DOK6: variants seen among roughly 807,000 people sequenced by gnomAD.
DOK6 encodes the protein docking protein 6, also known as downstream of tyrosine kinase 6.
A neutral mutation model predicts 44.0 loss-of-function variants in DOK6; 22 were observed. The ratio of observed to expected loss-of-function variants is 0.50; its 90% CI spans 0.36 to 0.71. The LOEUF is 0.71. DOK6 is among the 30% of genes least tolerant of loss of function. The pLI is 0.00. For missense variants in DOK6, 340 were observed against 416.4 expected, an observed-to-expected ratio of 0.82 and a Z score of 1.60; for synonymous variants, 166 against 145.5, an observed-to-expected ratio of 1.14 and a Z score of -1.01.
chr18:69,558,896 A>G lies in DOK6; in HGVS notation c.67-5591A>G, dbSNP rs182658309. Among the ~76,000 whole-genome samples the G allele has an allele frequency of 3.5e-3, 538 of 152,290 alleles. 6 individuals carry two copies. Among genetic ancestry groups the G allele is most frequent in the South Asian group, 0.014 (70 of 4,832 alleles). On this transcript the variant is annotated intron_variant, in intron 1 of 7. Transcript: ENST00000382713. ...CATTTTGAAAATGTACCATTGTTAT[A>G]TAGGATGCTATCAGAGGAAGCTGTA... is the stretch of plus-strand genomic sequence containing the variant.
intron 1 of DOK6, among the ~76,000 whole-genome samples, chr18:69,518,785 T>A (rs1981605052): frequency 6.6e-6 from 1 of 152,138 alleles, no homozygotes; most frequent in Non-Finnish European, 1.5e-5. Context: ...AAGGAACATA[T>A]GATGGAAGGA....
chr18:69,556,834 T>A (rs1035150093), intron 1 of DOK6, among the ~76,000 whole-genome samples: 1 of 152,220 alleles, frequency 6.6e-6, no homozygotes, highest in African/African-American at 2.4e-5. Flanking sequence ...AAAGCTAAAC[T>A]CATCAGTGCG....
At chr18:69,495,906 G>A (rs1980872414) in intron 1 of DOK6, among the ~76,000 whole-genome samples, 1 of 152,240 alleles carries the variant, frequency 6.6e-6, no homozygotes, top group South Asian at 2.1e-4. Context: ...AGCCAGACTG[G>A]GACAGCACCT....
intron 3 of DOK6, among the ~76,000 whole-genome samples, chr18:69,674,287 A>C (rs955537848): frequency 1.3e-5 from 2 of 152,244 alleles, no homozygotes; most frequent in African/African-American, 4.8e-5. Flanking sequence ...CAAAACTGTT[A>C]GCTCCAAGTA....
intron 4 of DOK6, among the ~76,000 whole-genome samples, chr18:69,680,501 T>C (rs1427613541): frequency 2.0e-5 from 3 of 152,200 alleles, no homozygotes; most frequent in Non-Finnish European, 4.4e-5. Context: ...TTTTAAAATT[T>C]GCATCAACAC....
chr18:69,683,518 G>T (rs943973256), intron 4 of DOK6, among the ~76,000 whole-genome samples: 1 of 152,224 alleles, frequency 6.6e-6, no homozygotes, highest in Non-Finnish European at 1.5e-5. Flanking sequence ...GATAGATATG[G>T]ACAAGTGAAG....
At chr18:69,487,175 ATATGTGTGTGTG>A (rs954304143) in intron 1 of DOK6, among the ~76,000 whole-genome samples, 23 of 102,628 alleles carry the variant, frequency 2.2e-4, no homozygotes, top group African/African-American at 7.3e-4. Context: ...CACTGATAGG[ATATGTGTGTGTG>A]TGTGTGTGTG....
chr18:69,672,937 TAATA>T (rs892065251), intron 3 of DOK6, among the ~76,000 whole-genome samples: 3 of 149,584 alleles, frequency 2.0e-5, no homozygotes, highest in South Asian at 2.2e-4. Context: ...TTTAAGACGT[TAATA>T]AATATGAAAA....
At chr18:69,467,384 T>C (rs1372649318) in intron 1 of DOK6, among the ~76,000 whole-genome samples, 2 of 152,102 alleles carry the variant, frequency 1.3e-5, no homozygotes, top group Non-Finnish European at 2.9e-5. Flanking sequence ...AACTAAATAA[T>C]AACTTATTTT....
At chr18:69,678,347 T>A (rs1253023020) in intron 4 of DOK6, among the ~76,000 whole-genome samples, 1 of 152,100 alleles carries the variant, frequency 6.6e-6, no homozygotes, top group Non-Finnish European at 1.5e-5. Flanking sequence ...ACAACCCGGG[T>A]CTCCTGGCTT....
At chr18:69,715,496 G>A (rs985038099) in intron 5 of DOK6, among the ~76,000 whole-genome samples, 10 of 152,204 alleles carry the variant, frequency 6.6e-5, no homozygotes, top group African/African-American at 2.4e-4. Context: ...AGACTGTAGA[G>A]GCAGAGGCAT....
chr18:69,623,832 T>A (rs1172261450), intron 3 of DOK6, among the ~76,000 whole-genome samples: 1 of 152,178 alleles, frequency 6.6e-6, no homozygotes, highest in Non-Finnish European at 1.5e-5. Flanking sequence ...TAGTAAGTGC[T>A]AGAGTCAGGA....
chr18:69,577,973 C>T (rs1024700342), intron 2 of DOK6, among the ~76,000 whole-genome samples: 1 of 152,216 alleles, frequency 6.6e-6, no homozygotes, highest in East Asian at 1.9e-4. Context: ...TTCTCCACAG[C>T]AGTTATGATT....
chr18:69,586,156 C>T (rs1410118580), intron 2 of DOK6, among the ~76,000 whole-genome samples: 2 of 152,228 alleles, frequency 1.3e-5, no homozygotes, highest in East Asian at 1.9e-4. Context: ...GAAATGCCAA[C>T]GAGAAGCAGT....
chr18:69,539,581 T>C (rs922433664), intron 1 of DOK6, among the ~76,000 whole-genome samples: 6 of 151,860 alleles, frequency 4.0e-5, no homozygotes, highest in East Asian at 1.9e-4. Flanking sequence ...GAGATACATA[T>C]GTATCCTGGA....
chr18:69,548,261 A>G (rs955769960), intron 1 of DOK6, among the ~76,000 whole-genome samples: 3 of 151,154 alleles, frequency 2.0e-5, no homozygotes, highest in Non-Finnish European at 3.0e-5. Context: ...CCTCATATAT[A>G]TATTTTTTTA....
At chr18:69,525,201 T>C (rs1251361469) in intron 1 of DOK6, among the ~76,000 whole-genome samples, 16 of 151,894 alleles carry the variant, frequency 1.1e-4, no homozygotes, top group Admixed American at 1.1e-3. Flanking sequence ...ACTTCAGATT[T>C]TTTCTTTATT....
At chr18:69,448,925 A>G (rs1307831827) in intron 1 of DOK6, among the ~76,000 whole-genome samples, 2 of 152,250 alleles carry the variant, frequency 1.3e-5, no homozygotes, top group African/African-American at 4.8e-5. Flanking sequence ...GAATATATCA[A>G]AATGCATGTT....
intron 1 of DOK6, among the ~76,000 whole-genome samples, chr18:69,552,094 C>A (rs1350500166): frequency 6.6e-6 from 1 of 152,082 alleles, no homozygotes; most frequent in East Asian, 1.9e-4. Flanking sequence ...AAATCACTTT[C>A]CTGGAACATA....
Sources: allele counts gnomAD v4.1 joint callset (sites outside exome capture counted in the v4.1 genomes callset), GRCh38; gene constraint gnomAD v4.1.1; transcripts MANE v1.5; gene names NCBI Gene and HGNC (gene_info 2026-07-23, HGNC 2026-07-21).